Variants in CTNND2 observed in about 807,000 individuals in gnomAD.
CTNND2 encodes catenin delta-2.
A neutral mutation model predicts 144.4 loss-of-function variants in CTNND2; 22 were observed. The observed-to-expected ratio is 0.15, with a 90% confidence interval of 0.11 to 0.22. The LOEUF is 0.22. Ranked by LOEUF, CTNND2 falls within the 10% of genes least tolerant of loss-of-function variation. The probability of loss-of-function intolerance (pLI) is 1.00; values close to 1 mark genes in which losing one functional copy is unlikely to be tolerated. For missense variants in CTNND2, 1,353 were observed against 1,618.8 expected (o/e 0.84, Z 2.82); for synonymous variants, 751 against 695.6 (o/e 1.08, Z -1.25).
chr5:11,270,080 G>C (rs1423749568), intron 9 of CTNND2, among the ~76,000 whole-genome samples: 7 of 152,126 alleles, frequency 4.6e-5, no homozygotes, highest in Non-Finnish European at 8.8e-5. Flanking sequence ...AGTTAAATTT[G>C]TGTCTAAATC....
intron 1 of CTNND2, among the ~76,000 whole-genome samples, chr5:11,848,723 G>A (rs1467078916): frequency 6.6e-6 from 1 of 152,104 alleles, no homozygotes; most frequent in Non-Finnish European, 1.5e-5. Context: ...TATACACATA[G>A]CTCTGAGGGA....
intron 3 of CTNND2, among the ~76,000 whole-genome samples, chr5:11,484,661 C>A (rs1045114200): frequency 2.6e-5 from 4 of 152,174 alleles, no homozygotes; most frequent in Non-Finnish European, 5.9e-5. Context: ...ATACTACATT[C>A]TGTTATTTTA....
At chr5:11,736,219 C>A (rs1406164845) in intron 1 of CTNND2, among the ~76,000 whole-genome samples, 1 of 152,144 alleles carries the variant, frequency 6.6e-6, no homozygotes, top group East Asian at 1.9e-4. Context: ...ATAACAGTGA[C>A]CTGTCATAAA....
At chr5:11,267,063 G>C (rs978502629) in intron 9 of CTNND2, among the ~76,000 whole-genome samples, 24 of 152,162 alleles carry the variant, frequency 1.6e-4, no homozygotes, top group African/African-American at 5.1e-4. Context: ...ATTTTTAGTA[G>C]AGATGGGTTT....
At chr5:11,134,293 T>C (rs1306671122) in intron 12 of CTNND2, among the ~76,000 whole-genome samples, 1 of 152,180 alleles carries the variant, frequency 6.6e-6, no homozygotes, top group South Asian at 2.1e-4. Context: ...GTCTACTTCA[T>C]GGGTCTGAAT....
intron 2 of CTNND2, among the ~76,000 whole-genome samples, chr5:11,727,708 C>T (rs1484712855): frequency 6.6e-6 from 1 of 152,188 alleles, no homozygotes; most frequent in African/African-American, 2.4e-5. Context: ...CCTCTATCTT[C>T]TTGACCTTTC....
intron 10 of CTNND2, among the ~76,000 whole-genome samples, chr5:11,203,056 C>T (rs1197880921): frequency 1.3e-5 from 2 of 152,142 alleles, no homozygotes; most frequent in African/African-American, 2.4e-5. Flanking sequence ...CTGCCTGCCT[C>T]GGCCTCCCAA....
chr5:11,197,352 A>T (rs1044189186), intron 11 of CTNND2, among the ~76,000 whole-genome samples: 4 of 152,242 alleles, frequency 2.6e-5, no homozygotes, highest in Admixed American at 2.6e-4. Context: ...ATCTTAACGG[A>T]TGTGGCTATC....
At chr5:11,554,835 G>A (rs555915194) in intron 3 of CTNND2, among the ~76,000 whole-genome samples, 43 of 151,560 alleles carry the variant, frequency 2.8e-4, no homozygotes, top group Non-Finnish European at 5.0e-4. Flanking sequence ...TAACTATGAT[G>A]AATATCAAAA....
At chr5:11,040,759 T>A (rs540170629) in intron 16 of CTNND2, among the ~76,000 whole-genome samples, 101 of 152,340 alleles carry the variant, frequency 6.6e-4, no homozygotes, top group African/African-American at 2.4e-3. Context: ...ACTAATATGA[T>A]ACATTTTAAC....
At chr5:11,342,730 C>T (rs989244723) in intron 9 of CTNND2, among the ~76,000 whole-genome samples, 1 of 152,156 alleles carries the variant, frequency 6.6e-6, no homozygotes, top group African/African-American at 2.4e-5. Context: ...ATCAGTCTTG[C>T]TGTGTTTTTT....
At chr5:11,797,057 G>A (rs980092743) in intron 1 of CTNND2, among the ~76,000 whole-genome samples, 1 of 152,112 alleles carries the variant, frequency 6.6e-6, no homozygotes, top group African/African-American at 2.4e-5. Context: ...CAAGTATCAG[G>A]GAAAAGAGCC....
In CTNND2 at chr5:11,184,325, G is replaced by A. The variant is rs1048919730; in HGVS notation, c.1975+15123C>T. 3.9e-5 allele frequency among the ~76,000 whole-genome samples: 6 copies of A among 152,106 alleles called. 1 individual carries two copies. Among genetic ancestry groups the A allele is most frequent in the South Asian group, 4.1e-4 (2 of 4,828 alleles). On this transcript the variant is annotated intron_variant, in intron 11 of 21. Transcript: ENST00000304623. ...GTATATCTGGAAACCAGATAAGAGC[G>A]CATGTTTATGTTTGCTTTTAATTAA... is the stretch of plus-strand genomic sequence containing the variant.
intron 7 of CTNND2, among the ~76,000 whole-genome samples, chr5:11,382,923 G>A (rs369002095): frequency 1.3e-5 from 2 of 152,046 alleles, no homozygotes; most frequent in African/African-American, 4.8e-5. Flanking sequence ...CTGGGCCATA[G>A]TTTGCAACCT....
At chr5:11,385,782 G>A (rs1226330067) in intron 6 of CTNND2, 9 of 151,924 alleles carry the variant, frequency 5.9e-5, no homozygotes, top group African/African-American at 2.2e-4. Flanking sequence ...CTATTGTCGC[G>A]TGGATTCTTC....
chr5:11,748,564 T>C (rs1380173853), intron 1 of CTNND2, among the ~76,000 whole-genome samples: 3 of 152,106 alleles, frequency 2.0e-5, no homozygotes, highest in Non-Finnish European at 4.4e-5. Context: ...TCTGTTTTCT[T>C]TTAATTTACA....
chr5:11,895,439 G>A (rs1401805406), intron 1 of CTNND2, among the ~76,000 whole-genome samples: 1 of 152,190 alleles, frequency 6.6e-6, no homozygotes, highest in Admixed American at 6.5e-5. Flanking sequence ...TTTCCCCTGT[G>A]TTATGACACT....
chr5:11,399,692 A>C (rs1049619112), intron 5 of CTNND2, among the ~76,000 whole-genome samples: 1 of 152,252 alleles, frequency 6.6e-6, no homozygotes, highest in African/African-American at 2.4e-5. Context: ...GTACTCAATG[A>C]AAAGTAACCA....
chr5:11,676,614 G>T (rs1784189029), intron 2 of CTNND2, among the ~76,000 whole-genome samples: 1 of 148,254 alleles, frequency 6.7e-6, no homozygotes, highest in African/African-American at 2.5e-5. Flanking sequence ...AAAAAAAAAA[G>T]ACATACATTC....
Sources: allele counts gnomAD v4.1 joint callset (sites outside exome capture counted in the v4.1 genomes callset), GRCh38; gene constraint gnomAD v4.1.1; transcripts MANE v1.5; gene names NCBI Gene and HGNC (gene_info 2026-07-23, HGNC 2026-07-21).